Variants in SCUBE1 observed in about 807,000 individuals in gnomAD.
SCUBE1 encodes the protein signal peptide, CUB and EGF-like domain-containing protein 1.
SCUBE1 carries 59 observed loss-of-function variants against 124.4 expected under a neutral mutation model. That is an observed-to-expected ratio of 0.47 (90% CI 0.38 to 0.59). The LOEUF is 0.59. SCUBE1 is among the 20% of genes least tolerant of loss of function. SCUBE1 has a pLI of 0.00. For synonymous variants in SCUBE1, 545 were observed against 550.9 expected, an observed-to-expected ratio of 0.99 and a Z score of 0.15; for missense variants, 1,150 against 1,371.2, an observed-to-expected ratio of 0.84 and a Z score of 2.55.
At chr22:43,253,874 TGTAA>T (rs971128404) in intron 6 of SCUBE1, among the ~76,000 whole-genome samples, 2 of 145,266 alleles carry the variant, frequency 1.4e-5, no homozygotes, top group African/African-American at 5.5e-5. Flanking sequence ...GCCCGCTTCT[TGTAA>T]GTGAGACCGA....
At chr22:43,288,332 C>G (rs1380612260) in intron 4 of SCUBE1, among the ~76,000 whole-genome samples, 1 of 152,136 alleles carries the variant, frequency 6.6e-6, no homozygotes, top group Non-Finnish European at 1.5e-5. Flanking sequence ...ATGCCAGCCC[C>G]TGGAAGTGCT....
chr22:43,273,565 T>C (rs1044295394), intron 4 of SCUBE1, among the ~76,000 whole-genome samples: 1 of 119,760 alleles, frequency 8.4e-6, no homozygotes, highest in African/African-American at 3.0e-5. Context: ...AACCCTCTTT[T>C]TTTTTTTTTT....
rs150930790 is a variant in SCUBE1, at chr22:43,214,123, G to A, written c.2020C>T (p.Leu674=). Residue 674 remains leucine (L), a synonymous_variant, in exon 16 of 22, where the codon CTG becomes TTG. Coordinates refer to ENST00000360835, the MANE Select transcript of SCUBE1 (RefSeq NM_173050.5). ...TPCPSSDGLG[L]PGARNVSECG... ...TCCGACACGTTGCGGGCACCAGGCAGACCAAGCCCGTCGCTGCTGGGGCAC... is the reference window on the plus strand; with the variant it reads ...TCCGACACGTTGCGGGCACCAGGCAAACCAAGCCCGTCGCTGCTGGGGCAC... 2.2e-4 allele frequency: 345 copies of A among 1,584,932 alleles called. No homozygotes were observed. Among genetic ancestry groups the A allele is most frequent in the Non-Finnish European group, 2.9e-4 (340 of 1,163,564 alleles).
At position 43,207,673 on chromosome 22, in the gene SCUBE1, C is replaced by A; in HGVS notation, c.2735-60G>T. The A allele has an allele frequency of 3.8e-6, 5 of 1,299,114 alleles. No homozygotes were observed. The South Asian group carries it at 5.9e-5, about 15-fold the overall frequency. The allele number at this position is 1,299,114 out of a possible 1,614,324, so 80.5% of individuals were successfully genotyped here. A position where few individuals can be genotyped will look rare whatever the true frequency, so the allele number is the denominator to read the frequency against. Reference sequence around the variant, plus strand: ...AGGGGCTTGAGGCCCACGTGCTCCCCTTTCACCTCCAGCCTCTGCCCTCCC... The same window carrying A: ...AGGGGCTTGAGGCCCACGTGCTCCCATTTCACCTCCAGCCTCTGCCCTCCC... On this transcript the variant is annotated intron_variant, in intron 20 of 21. Transcript: ENST00000360835.
intron 5 of SCUBE1, among the ~76,000 whole-genome samples, chr22:43,262,026 T>C (rs1416817990): frequency 2.6e-5 from 4 of 152,194 alleles, no homozygotes; most frequent in African/African-American, 9.7e-5. Flanking sequence ...GAGGCTGGAC[T>C]ACACGTGGGC....
At chr22:43,247,737 T>C (rs1057194963) in intron 6 of SCUBE1, among the ~76,000 whole-genome samples, 1 of 151,728 alleles carries the variant, frequency 6.6e-6, no homozygotes, top group Non-Finnish European at 1.5e-5. Context: ...CCCAGGTAGG[T>C]GGGGTGAGAG....
At chr22:43,312,474 G>T (rs141474174) in intron 3 of SCUBE1, among the ~76,000 whole-genome samples, 2,023 of 152,284 alleles carry the variant, frequency 0.013, 47 homozygotes, top group African/African-American at 0.046. Context: ...CTAAGCAAGG[G>T]TGAGAAATGG....
intron 6 of SCUBE1, among the ~76,000 whole-genome samples, chr22:43,253,827 C>A (rs1029678577): frequency 1.5e-5 from 2 of 129,966 alleles, no homozygotes; most frequent in East Asian, 4.2e-4. Flanking sequence ...AGCTCCTGGT[C>A]CTGCCTGGCT....
chr22:43,309,461 C>T (rs1926095614), intron 3 of SCUBE1, among the ~76,000 whole-genome samples: 1 of 152,158 alleles, frequency 6.6e-6, no homozygotes, highest in African/African-American at 2.4e-5. Context: ...CCATACCTCT[C>T]CTAATTGTGA....
intron 3 of SCUBE1, among the ~76,000 whole-genome samples, chr22:43,315,757 G>T (rs1926324026): frequency 6.8e-6 from 1 of 148,096 alleles, no homozygotes; most frequent in East Asian, 2.1e-4. Context: ...TGGGGCGGGG[G>T]AGGGGGGGAA....
chr22:43,320,075 G>T lies in SCUBE1; in HGVS notation c.221-10C>A, dbSNP rs748131276. 4.3e-5 allele frequency: 70 copies of T among 1,613,718 alleles called. 1 individual carries two copies. In the South Asian group the frequency reaches 7.3e-4, roughly 17 times the overall value. On this transcript the variant is annotated splice_polypyrimidine_tract_variant and intron_variant, in intron 2 of 21. Coordinates refer to ENST00000360835, the MANE Select transcript of SCUBE1 (RefSeq NM_173050.5). ...TCACACTCGTCAATGTCTGCAAAAG[G>T]AAGGGCATGAGAGGTGTCAGAAGAA...
intron 10 of SCUBE1, among the ~76,000 whole-genome samples, chr22:43,227,050 T>G (rs905143973): frequency 6.6e-6 from 1 of 152,150 alleles, no homozygotes; most frequent in Non-Finnish European, 1.5e-5. Flanking sequence ...TCCAGCTCTA[T>G]GGAGACATCA....
chr22:43,276,445 G>A lies in SCUBE1; in HGVS notation c.485-13600C>T, dbSNP rs140255931. On this transcript the variant is annotated intron_variant, in intron 4 of 21. Coordinates refer to ENST00000360835, the MANE Select transcript of SCUBE1 (RefSeq NM_173050.5). Reference sequence around the variant, plus strand: ...ACCTGGCTGGCCTCAGGCGGGTGACGAGGACCTGGGGAATGCTGCGGCCAG... The same window carrying A: ...ACCTGGCTGGCCTCAGGCGGGTGACAAGGACCTGGGGAATGCTGCGGCCAG... Among the ~76,000 whole-genome samples the A allele has an allele frequency of 5.2e-4, 79 of 152,326 alleles. No homozygotes were observed. The East Asian group carries it at 0.014, about 27-fold the overall frequency.
At chr22:43,323,553 T>G (rs1926626765) in intron 2 of SCUBE1, among the ~76,000 whole-genome samples, 1 of 151,762 alleles carries the variant, frequency 6.6e-6, no homozygotes, top group African/African-American at 2.4e-5. Flanking sequence ...ACCAGATGCC[T>G]ATCCTTCCAT....
intron 1 of SCUBE1, 27 bp downstream of exon 1, chr22:43,343,131 AGCCCCCCGCGCCCGCC>A: frequency 9.8e-7 from 1 of 1,020,006 alleles, no homozygotes; most frequent in Non-Finnish European, 1.2e-6. Context: ...CGGCCGCCCG[AGCCCCCCGCGCCCGCC>A]GCCCCCCACC....
rs375614091 is a variant in SCUBE1 at position 43,212,833 on chromosome 22, C to T, written c.2054-241G>A. The T allele has an allele frequency of 5.3e-4, 294 of 554,806 alleles. 1 individual carries two copies. The highest frequency in any genetic ancestry group is 5.0e-3 in the African/African-American group (258 of 51,346). 34.4% of individuals were successfully genotyped at this position (554,806 alleles called of 1,614,324 possible). On this transcript the variant is annotated intron_variant, in intron 16 of 21. Transcript: ENST00000360835. ...TGGTCAAGCCTGGCTCTCCTTCTCC[C>T]ACCAGCAAGAAGGCCTGGGGGTTGA... is the stretch of plus-strand genomic sequence containing the variant.
intron 3 of SCUBE1, among the ~76,000 whole-genome samples, chr22:43,292,248 C>T (rs2146753129): frequency 6.6e-6 from 1 of 152,248 alleles, no homozygotes; most frequent in African/African-American, 2.4e-5. Flanking sequence ...CTGTGGAAGG[C>T]TGCCAAGTGG....
At chr22:43,291,471 C>G (rs62232127) in intron 3 of SCUBE1, among the ~76,000 whole-genome samples, 1 of 150,214 alleles carries the variant, frequency 6.7e-6, no homozygotes, top group Non-Finnish European at 1.5e-5. Flanking sequence ...TCGCGCTGTG[C>G]TACAGTGGTA....
chr22:43,275,092 G>A (rs998312442), intron 4 of SCUBE1, among the ~76,000 whole-genome samples: 1 of 152,238 alleles, frequency 6.6e-6, no homozygotes, highest in Non-Finnish European at 1.5e-5. Context: ...GTGATGTGGA[G>A]GCGAGGCTGG....
Sources: gnomAD v4.1 joint callset for allele counts (sites outside exome capture counted in the v4.1 genomes callset) on GRCh38, gnomAD v4.1.1 for gene constraint, MANE v1.5 for transcripts, NCBI Gene and HGNC (gene_info 2026-07-23, HGNC 2026-07-21) for gene names.